The following TRAPPC9 variants were observed in gnomAD, a reference collection of about 807,000 sequenced individuals.
TRAPPC9 encodes IKK2 binding protein.
TRAPPC9 carries 83 observed loss-of-function variants against 124.0 expected under a neutral mutation model. That is an observed-to-expected ratio of 0.67 (90% CI 0.56 to 0.80). The LOEUF (loss-of-function observed/expected upper bound fraction) is 0.80, where lower values mean the gene tolerates loss of function less well. Among genes scored for constraint, TRAPPC9 ranks in the 30% least tolerant of loss-of-function variants. The pLI is 0.00. For missense variants in TRAPPC9, 1,302 were observed against 1,508.3 expected (o/e 0.86, Z 2.27); for synonymous variants, 638 against 617.5 (o/e 1.03, Z -0.49).
intron 9 of TRAPPC9, among the ~76,000 whole-genome samples, chr8:140,318,786 C>A: frequency 6.6e-6 from 1 of 152,158 alleles, no homozygotes; most frequent in East Asian, 1.9e-4. Context: ...TTGATGGACA[C>A]AGCAATAAAG....
intron 19 of TRAPPC9, among the ~76,000 whole-genome samples, chr8:139,979,619 C>T (rs769916264): frequency 1.4e-4 from 21 of 152,114 alleles, no homozygotes; most frequent in Non-Finnish European, 2.8e-4. Flanking sequence ...GTGATGACAA[C>T]ACACAGCAAA....
chr8:140,048,125 T>G (rs369912092), intron 17 of TRAPPC9, among the ~76,000 whole-genome samples: 2 of 152,188 alleles, frequency 1.3e-5, no homozygotes, highest in Admixed American at 6.5e-5. Context: ...ATGGACACAA[T>G]TGGCTTGTCC....
Position 140,451,035 on chromosome 8 carries a change from G to C in TRAPPC9, c.339C>G (p.Ser113=), listed in dbSNP as rs1015563804. The C allele has an allele frequency of 2.5e-6, 4 of 1,614,076 alleles. No individual in the cohort carries two copies. The highest frequency in any genetic ancestry group is 3.4e-6 in the Non-Finnish European group (4 of 1,180,032). The change falls in exon 2 of 23, where the codon TCC becomes TCG. Residue 113 remains serine, a synonymous_variant. Coordinates refer to ENST00000438773, the MANE Select transcript of TRAPPC9 (RefSeq NM_001160372.4). Reference sequence around the variant, plus strand: ...CCTGCAGCCCGAAGACAAAGAGCCGGGAGTCATACAGTGTGGAGCCGTAGA... The same window carrying C: ...CCTGCAGCCCGAAGACAAAGAGCCGCGAGTCATACAGTGTGGAGCCGTAGA... ...KEIYGSTLYD[S]RLFVFGLQGE...
intron 17 of TRAPPC9, among the ~76,000 whole-genome samples, chr8:140,108,286 C>A (rs906898535): frequency 6.6e-6 from 1 of 152,246 alleles, no homozygotes; most frequent in African/African-American, 2.4e-5. Flanking sequence ...CCTGCACCCA[C>A]AGCCACTAGG....
At chr8:140,000,533 C>G (rs887859230) in intron 18 of TRAPPC9, among the ~76,000 whole-genome samples, 1 of 152,054 alleles carries the variant, frequency 6.6e-6, no homozygotes, top group Non-Finnish European at 1.5e-5. Context: ...AACAAATTTA[C>G]AAGAAAAAAA....
chr8:140,081,868 C>T (rs780570810), intron 17 of TRAPPC9: 21 of 152,312 alleles, frequency 1.4e-4, no homozygotes, highest in African/African-American at 2.7e-4. Context: ...CTCAGCATTG[C>T]GCCCGAGGCC....
intron 21 of TRAPPC9, among the ~76,000 whole-genome samples, chr8:139,774,658 G>C (rs11998525): frequency 0.053 from 8,040 of 152,256 alleles, 717 homozygotes; most frequent in African/African-American, 0.18. Context: ...CCAGGAGCAG[G>C]TGCTCCACAA....
intron 17 of TRAPPC9, among the ~76,000 whole-genome samples, chr8:140,080,069 G>C (rs930245710): frequency 6.6e-6 from 1 of 152,152 alleles, no homozygotes; most frequent in South Asian, 2.1e-4. Flanking sequence ...TGACACCTTG[G>C]AATTAACCCT....
intron 19 of TRAPPC9, among the ~76,000 whole-genome samples, chr8:139,987,341 T>C (rs528280153): frequency 5.9e-5 from 9 of 152,298 alleles, no homozygotes; most frequent in African/African-American, 2.2e-4. Context: ...CCAAAGCAGC[T>C]GCACTATTTT....
At chr8:139,773,089 C>T (rs1055968991) in intron 21 of TRAPPC9, among the ~76,000 whole-genome samples, 2 of 152,240 alleles carry the variant, frequency 1.3e-5, no homozygotes, top group Non-Finnish European at 2.9e-5. Context: ...CTCGCAGTGG[C>T]TGTGGGTCCC....
At chr8:139,910,055 T>G in intron 20 of TRAPPC9, 92 bp downstream of exon 20, 1 of 1,466,864 alleles carries the variant, frequency 6.8e-7, no homozygotes, top group Non-Finnish European at 9.3e-7. Flanking sequence ...GTGGTGAAAA[T>G]TCAATAGCTA....
chr8:140,130,401 G>C (rs1414849316), intron 17 of TRAPPC9, among the ~76,000 whole-genome samples: 3 of 152,126 alleles, frequency 2.0e-5, no homozygotes, highest in Non-Finnish European at 4.4e-5. Flanking sequence ...AGGTACGATG[G>C]GAACATGGCA....
chr8:139,919,156 T>G (rs1437207678), intron 19 of TRAPPC9, among the ~76,000 whole-genome samples: 1 of 152,218 alleles, frequency 6.6e-6, no homozygotes, highest in Non-Finnish European at 1.5e-5. Flanking sequence ...GAAGGGGTGC[T>G]GTGCCGAGGA....
intron 15 of TRAPPC9, among the ~76,000 whole-genome samples, chr8:140,259,875 T>A (rs565835639): frequency 6.6e-6 from 1 of 152,324 alleles, no homozygotes; most frequent in Admixed American, 6.5e-5. Flanking sequence ...AACACACACG[T>A]GTGCCCAGAC....
chr8:140,041,870 G>A (rs187082630), intron 17 of TRAPPC9, among the ~76,000 whole-genome samples: 1 of 152,216 alleles, frequency 6.6e-6, no homozygotes. Flanking sequence ...TATTCAGGAG[G>A]CTGAGGCAGG....
chr8:140,372,212 G>A (rs924988033), intron 7 of TRAPPC9, among the ~76,000 whole-genome samples: 9 of 152,232 alleles, frequency 5.9e-5, no homozygotes, highest in African/African-American at 2.2e-4. Flanking sequence ...CGCCTTCAGA[G>A]AAGAAGGAAG....
chr8:139,890,470 T>G (rs1830269691), intron 20 of TRAPPC9, among the ~76,000 whole-genome samples: 1 of 152,170 alleles, frequency 6.6e-6, no homozygotes, highest in African/African-American at 2.4e-5. Context: ...AGACTTGAGG[T>G]GAAACCAGGT....
chr8:140,072,569 A>G (rs1326090507), intron 17 of TRAPPC9, among the ~76,000 whole-genome samples: 2 of 32,486 alleles, frequency 6.2e-5, no homozygotes, highest in Admixed American at 3.1e-4. Flanking sequence ...GAGGAGGAGA[A>G]AGGAAGGAGG....
intron 17 of TRAPPC9, among the ~76,000 whole-genome samples, chr8:140,107,963 G>A (rs1237927545): frequency 6.6e-6 from 1 of 151,550 alleles, no homozygotes; most frequent in Non-Finnish European, 1.5e-5. Context: ...TGTGGTGGGG[G>A]TGGGGTGTAG....
Sources: gnomAD v4.1 joint callset for allele counts (sites outside exome capture counted in the v4.1 genomes callset) on GRCh38, gnomAD v4.1.1 for gene constraint, MANE v1.5 for transcripts, NCBI Gene and HGNC (gene_info 2026-07-23, HGNC 2026-07-21) for gene names.